The following GRIA4 variants were observed in gnomAD, a reference collection of about 807,000 sequenced individuals.
GRIA4 encodes glutamate ionotropic receptor AMPA type subunit 4.
In GRIA4, 34 loss-of-function variants were observed where a neutral mutation model predicts 104.0. The ratio of observed to expected loss-of-function variants is 0.33; its 90% CI spans 0.25 to 0.44. GRIA4 has a LOEUF of 0.44. Ranked by LOEUF, GRIA4 falls within the 20% of genes least tolerant of loss-of-function variation. GRIA4 has a pLI of 1.00. For missense variants in GRIA4, 750 were observed against 1,096.5 expected (o/e 0.68, Z 4.46); for synonymous variants, 386 against 381.9 (o/e 1.01, Z -0.13).
chr11:105,806,411 C>A (rs184839189), intron 4 of GRIA4, among the ~76,000 whole-genome samples: 121 of 151,912 alleles, frequency 8.0e-4, no homozygotes, highest in African/African-American at 2.8e-3. Flanking sequence ...ATGGAGGTAC[C>A]AGTTTCCTTG....
intron 3 of GRIA4, among the ~76,000 whole-genome samples, chr11:105,714,133 T>A (rs1212211003): frequency 6.6e-6 from 1 of 152,188 alleles, no homozygotes; most frequent in African/African-American, 2.4e-5. Context: ...ATTTAGAGAC[T>A]GCTTTGAGAT....
chr11:105,698,151 T>C (rs1054632371), intron 3 of GRIA4, among the ~76,000 whole-genome samples: 1 of 152,200 alleles, frequency 6.6e-6, no homozygotes, highest in South Asian at 2.1e-4. Context: ...TTTTCACTTA[T>C]TGTTATTGAT....
intron 3 of GRIA4, among the ~76,000 whole-genome samples, chr11:105,732,469 G>A (rs1938660405): frequency 6.6e-6 from 1 of 152,146 alleles, no homozygotes; most frequent in Non-Finnish European, 1.5e-5. Context: ...AAGCCGTCAT[G>A]GTTTAGGGAG....
chr11:105,841,377 G>A (rs1944390570), intron 4 of GRIA4, among the ~76,000 whole-genome samples: 1 of 152,106 alleles, frequency 6.6e-6, no homozygotes, highest in African/African-American at 2.4e-5. Context: ...GTGTGACCTT[G>A]TGGGCAGAAG....
chr11:105,687,719 T>C (rs1358088939), intron 3 of GRIA4, among the ~76,000 whole-genome samples: 1 of 152,162 alleles, frequency 6.6e-6, no homozygotes, highest in Non-Finnish European at 1.5e-5. Flanking sequence ...GAGATACCAG[T>C]GCAGATGCGG....
At chr11:105,653,617 T>C (rs914969883) in intron 3 of GRIA4, among the ~76,000 whole-genome samples, 1 of 152,208 alleles carries the variant, frequency 6.6e-6, no homozygotes, top group South Asian at 2.1e-4. Flanking sequence ...GACGGACTGT[T>C]GTACTGGCCA....
intron 4 of GRIA4, among the ~76,000 whole-genome samples, chr11:105,819,323 G>A (rs1943495338): frequency 6.6e-6 from 1 of 152,038 alleles, no homozygotes; most frequent in South Asian, 2.1e-4. Flanking sequence ...TAATATCTCT[G>A]TACCTCCATT....
In GRIA4 at chr11:105,903,911, C is replaced by T. The variant is rs149229981; in HGVS notation, c.983C>T (p.Ala328Val). The T allele has an allele frequency of 2.2e-5, 36 of 1,613,220 alleles. No individual in the cohort carries two copies. In the Admixed American group the frequency reaches 5.8e-4, roughly 26 times the overall value. Residue 328 changes from alanine (A) to valine (V), a missense_variant, in exon 8 of 17, where the codon GCT becomes GTT. This residue lies in a region of GRIA4 where 410 missense variants were observed against 502.7 expected (regional missense o/e 0.82). Coordinates refer to ENST00000282499, the MANE Select transcript of GRIA4 (RefSeq NM_000829.4). ...QKIDISRRGN[A>V]GDCLANPAAP... ...ATTGATATCTCAAGGAGAGGAAATG[C>T]TGGGGATTGTCTGGCAAATCCTGCT...
chr11:105,752,878 T>A, intron 3 of GRIA4, 103 bp from the exon 4 acceptor site: 1 of 1,040,398 alleles, frequency 9.6e-7, no homozygotes. Flanking sequence ...ACAGATCCAA[T>A]GATTCAGTGA....
At chr11:105,613,548 G>A (rs1950530182) in intron 3 of GRIA4, 1 of 152,054 alleles carries the variant, frequency 6.6e-6, no homozygotes. Flanking sequence ...AATTCTTTCA[G>A]TACAAGAAAG....
intron 3 of GRIA4, among the ~76,000 whole-genome samples, chr11:105,664,837 C>A (rs189650682): frequency 4.7e-4 from 71 of 151,958 alleles, no homozygotes; most frequent in Non-Finnish European, 7.7e-4. Flanking sequence ...TTGTCTTTTT[C>A]TAATATGCAC....
chr11:105,749,236 A>G (rs1375162489), intron 3 of GRIA4, among the ~76,000 whole-genome samples: 1 of 152,214 alleles, frequency 6.6e-6, no homozygotes, highest in African/African-American at 2.4e-5. Context: ...AGCAAAGTTG[A>G]AGAGACTAGT....
chr11:105,926,150 T>C (rs1466948991), intron 12 of GRIA4, among the ~76,000 whole-genome samples: 1 of 152,104 alleles, frequency 6.6e-6, no homozygotes, highest in Non-Finnish European at 1.5e-5. Flanking sequence ...AGACCAATTC[T>C]AGACGCTCTT....
chr11:105,786,144 CAAA>C (rs34888562), intron 4 of GRIA4, among the ~76,000 whole-genome samples: 1 of 89,296 alleles, frequency 1.1e-5, no homozygotes, highest in Admixed American at 1.5e-4. Flanking sequence ...GACCCTTTCT[CAAA>C]AAAAAAAAAA....
intron 3 of GRIA4, among the ~76,000 whole-genome samples, chr11:105,747,899 C>T (rs929542376): frequency 4.6e-5 from 7 of 152,136 alleles, no homozygotes; most frequent in African/African-American, 9.6e-5. Context: ...TATTAAGAAA[C>T]GAAAAAACTA....
intron 3 of GRIA4, among the ~76,000 whole-genome samples, chr11:105,698,510 A>C (rs901499480): frequency 4.6e-5 from 7 of 152,266 alleles, no homozygotes; most frequent in Middle Eastern, 3.4e-3. Flanking sequence ...CTCGGAGTTG[A>C]ATCTGTTTCC....
intron 3 of GRIA4, among the ~76,000 whole-genome samples, chr11:105,639,044 A>G (rs759154183): frequency 6.6e-6 from 1 of 152,142 alleles, no homozygotes; most frequent in African/African-American, 2.4e-5. Flanking sequence ...AAAACGATGA[A>G]CCAACCAAGA....
chr11:105,820,746 C>G (rs938227859), intron 4 of GRIA4, among the ~76,000 whole-genome samples: 5 of 152,002 alleles, frequency 3.3e-5, no homozygotes, highest in Admixed American at 3.3e-4. Flanking sequence ...GTCAATTTCA[C>G]TGAATTTTAA....
chr11:105,913,546 C>G, intron 10 of GRIA4: 1 of 817,932 alleles, frequency 1.2e-6, no homozygotes, highest in Non-Finnish European at 1.5e-6. Flanking sequence ...GTAATCATTT[C>G]TGCAAATAAC....
Sources: gnomAD v4.1 joint callset for allele counts (sites outside exome capture counted in the v4.1 genomes callset) on GRCh38, gnomAD v4.1.1 for gene constraint, gnomAD v4.1.1 regional missense constraint, MANE v1.5 for transcripts, NCBI Gene and HGNC (gene_info 2026-07-23, HGNC 2026-07-21) for gene names.